Variants in KLF13 observed in about 807,000 individuals in gnomAD.
KLF13 encodes KLF transcription factor 13, also known as Krueppel-like factor 13.
KLF13 carries 8 observed loss-of-function variants against 16.7 expected under a neutral mutation model. That is an observed-to-expected ratio of 0.48 (90% CI 0.28 to 0.87). The LOEUF (loss-of-function observed/expected upper bound fraction) is 0.87, where lower values mean the gene tolerates loss of function less well. KLF13 is among the 40% of genes least tolerant of loss of function. KLF13 has a pLI of 0.10. For missense variants in KLF13, 447 were observed against 452.2 expected, an observed-to-expected ratio of 0.99 and a Z score of 0.10; for synonymous variants, 245 against 208.4, an observed-to-expected ratio of 1.18 and a Z score of -1.51.
chr15:31,341,760 C>G (rs993559595), intron 1 of KLF13, among the ~76,000 whole-genome samples: 5 of 152,190 alleles, frequency 3.3e-5, no homozygotes, highest in Non-Finnish European at 5.9e-5. Context: ...ACAGCCTGAC[C>G]TGAGCCCCCC....
At chr15:31,420,438 AC>A in intron 1 of KLF13, 1 of 934,112 alleles carries the variant, frequency 1.1e-6, no homozygotes. Context: ...TCCTGCTACC[AC>A]CCCAACATAG....
At chr15:31,347,633 G>A (rs1042576129) in intron 1 of KLF13, among the ~76,000 whole-genome samples, 10 of 152,342 alleles carry the variant, frequency 6.6e-5, no homozygotes, top group Non-Finnish European at 1.2e-4. Context: ...GGGGAGAGAG[G>A]CGGGGCAGTG....
At chr15:31,334,616 C>T (rs1369779717) in intron 1 of KLF13, among the ~76,000 whole-genome samples, 4 of 152,048 alleles carry the variant, frequency 2.6e-5, no homozygotes, top group African/African-American at 7.2e-5. Flanking sequence ...TTAGTAGAGA[C>T]GGGGTTTCAC....
chr15:31,347,374 A>T (rs1295983088), intron 1 of KLF13, among the ~76,000 whole-genome samples: 1 of 152,142 alleles, frequency 6.6e-6, no homozygotes, highest in African/African-American at 2.4e-5. Flanking sequence ...GGGGATGGGC[A>T]GTGGAGACTG....
At chr15:31,362,184 T>C (rs1335301670) in intron 1 of KLF13, among the ~76,000 whole-genome samples, 1 of 152,178 alleles carries the variant, frequency 6.6e-6, no homozygotes, top group Non-Finnish European at 1.5e-5. Flanking sequence ...CTGGAACTGC[T>C]TCTGTTTAAA....
At chr15:31,345,454 G>A (rs1264593408) in intron 1 of KLF13, among the ~76,000 whole-genome samples, 1 of 152,234 alleles carries the variant, frequency 6.6e-6, no homozygotes, top group African/African-American at 2.4e-5. Context: ...GCACCTGCCT[G>A]GAGAGCACTG....
chr15:31,328,077 G>A (rs2038752561), intron 1 of KLF13, among the ~76,000 whole-genome samples: 1 of 144,646 alleles, frequency 6.9e-6, no homozygotes, highest in African/African-American at 2.5e-5. Flanking sequence ...ATAGTCATCT[G>A]GGCTGGGGGC....
At chr15:31,391,503 A>G (rs1452064035), upstream of KLF13, among the ~76,000 whole-genome samples, 4 of 151,238 alleles carry the variant, frequency 2.6e-5, no homozygotes, top group Non-Finnish European at 5.9e-5. Flanking sequence ...CATTTTAACA[A>G]TGGGGGCCCT....
At chr15:31,328,073 A>G (rs939774854) in intron 1 of KLF13, among the ~76,000 whole-genome samples, 1 of 138,082 alleles carries the variant, frequency 7.2e-6, no homozygotes, top group African/African-American at 2.7e-5. Context: ...GGATATAGTC[A>G]TCTGGGCTGG....
chr15:31,413,806 G>A (rs2040224641), intron 1 of KLF13, among the ~76,000 whole-genome samples: 1 of 152,148 alleles, frequency 6.6e-6, no homozygotes, highest in African/African-American at 2.4e-5. Flanking sequence ...CAGAAACAAA[G>A]AGTATCAGTG....
intron 1 of KLF13, among the ~76,000 whole-genome samples, chr15:31,432,638 T>C (rs894749565): frequency 6.6e-6 from 1 of 151,802 alleles, no homozygotes; most frequent in Non-Finnish European, 1.5e-5. Flanking sequence ...TTTGTAGAGA[T>C]GGGGCCTTGC....
chr15:31,333,987 ACT>A (rs2038883089), intron 1 of KLF13, among the ~76,000 whole-genome samples: 1 of 151,834 alleles, frequency 6.6e-6, no homozygotes, highest in Non-Finnish European at 1.5e-5. Context: ...AGCCTGTCCT[ACT>A]GCAGGATCAC....
At position 31,377,230 on chromosome 15, in the gene KLF13, T is replaced by G. The variant is rs2039662436; in HGVS notation, c.*4931T>G. On this transcript the variant is annotated 3_prime_UTR_variant, in exon 2 of 2. Transcript: ENST00000307145. ...GGCTCTAGACACCACGTGGGCTCAT[T>G]AGCCCCAGCGTCTGTGCCGGCTCCA... 6.5e-6 allele frequency: 1 copy of G among 152,684 alleles called. No individual in the cohort carries two copies. The highest frequency in any genetic ancestry group is 2.1e-4 in the South Asian group (1 of 4,828). The allele number at this position is 152,684 out of a possible 1,614,324, so 9.5% of individuals were successfully genotyped here.
downstream of KLF13, among the ~76,000 whole-genome samples, chr15:31,405,239 G>A (rs557623233): frequency 8.5e-5 from 13 of 152,246 alleles, no homozygotes; most frequent in East Asian, 7.7e-4. Flanking sequence ...GCATGAAGCC[G>A]GGAGGCAGCG....
chr15:31,365,075 T>A (rs1566818988), intron 1 of KLF13, among the ~76,000 whole-genome samples: 1 of 152,082 alleles, frequency 6.6e-6, no homozygotes, highest in Non-Finnish European at 1.5e-5. Flanking sequence ...AGTCTTGAGG[T>A]TGGGAGCTAG....
At chr15:31,384,924 C>A in intron 1 of KLF13, among the ~76,000 whole-genome samples, 1 of 152,164 alleles carries the variant, frequency 6.6e-6, no homozygotes, top group East Asian at 1.9e-4. Flanking sequence ...GCCAAACTCA[C>A]GTGTTGAACT....
At chr15:31,355,961 C>T (rs1330675606) in intron 1 of KLF13, among the ~76,000 whole-genome samples, 1 of 152,118 alleles carries the variant, frequency 6.6e-6, no homozygotes, top group Non-Finnish European at 1.5e-5. Context: ...GAGCCCCTGC[C>T]ATCTGCTTCT....
intron 2 of KLF13, among the ~76,000 whole-genome samples, chr15:31,402,669 A>G (rs1407412634): frequency 2.0e-5 from 3 of 152,274 alleles, no homozygotes; most frequent in Middle Eastern, 3.4e-3. Flanking sequence ...GCTGCTGCAC[A>G]GAGCCCCAGG....
chr15:31,413,147 C>CTTAA (rs1461041043), intron 1 of KLF13, among the ~76,000 whole-genome samples: 1 of 137,646 alleles, frequency 7.3e-6, no homozygotes, highest in Non-Finnish European at 1.5e-5. Flanking sequence ...CCACAGTCAG[C>CTTAA]TCATTATTCA....
Sources: allele counts gnomAD v4.1 joint callset (sites outside exome capture counted in the v4.1 genomes callset), GRCh38; gene constraint gnomAD v4.1.1; transcripts MANE v1.5; gene names NCBI Gene and HGNC (gene_info 2026-07-23, HGNC 2026-07-21).